Variants in ANO4 observed in about 807,000 individuals in gnomAD.
ANO4 encodes anoctamin 4.
A neutral mutation model predicts 141.9 loss-of-function variants in ANO4; 69 were observed. The ratio of observed to expected loss-of-function variants is 0.49; its 90% CI spans 0.40 to 0.59. The LOEUF (loss-of-function observed/expected upper bound fraction) is 0.59. ANO4 is among the 20% of genes least tolerant of loss of function. The probability of loss-of-function intolerance (pLI) is 0.00; values close to 1 mark genes in which losing one functional copy is unlikely to be tolerated. For synonymous variants in ANO4, 350 were observed against 394.3 expected (o/e 0.89, Z 1.33); for missense variants, 894 against 1,162.2 (o/e 0.77, Z 3.36).
At chr12:100,977,095 A>T (rs2044231371) in intron 7 of ANO4, among the ~76,000 whole-genome samples, 1 of 152,232 alleles carries the variant, frequency 6.6e-6, no homozygotes, top group Non-Finnish European at 1.5e-5. Context: ...TGTGAGGTTT[A>T]GTGCCTAGTA....
At chr12:100,717,635 G>A (rs888887649) in intron 1 of ANO4, 4 of 398,164 alleles carry the variant, frequency 1.0e-5, no homozygotes, top group African/African-American at 8.2e-5. Context: ...AAACTTCGGG[G>A]TTCGCCTCTG....
At chr12:100,736,041 C>A (rs902035677) in intron 2 of ANO4, among the ~76,000 whole-genome samples, 4 of 152,108 alleles carry the variant, frequency 2.6e-5, no homozygotes, top group Non-Finnish European at 5.9e-5. Flanking sequence ...GAGAACCAAG[C>A]AAGCACCTTT....
chr12:100,884,302 C>G (rs546375204), intron 1 of ANO4, among the ~76,000 whole-genome samples: 1 of 152,190 alleles, frequency 6.6e-6, no homozygotes, highest in African/African-American at 2.4e-5. Flanking sequence ...TAACATTTGT[C>G]TTATGGTCAG....
chr12:101,109,434 G>A (rs1037385003), intron 22 of ANO4, among the ~76,000 whole-genome samples: 7 of 151,914 alleles, frequency 4.6e-5, no homozygotes, highest in Admixed American at 1.3e-4. Flanking sequence ...GATGGCGGGC[G>A]CCTGTAATCC....
At chr12:100,880,440 A>T (rs548099219) in intron 1 of ANO4, among the ~76,000 whole-genome samples, 6 of 152,180 alleles carry the variant, frequency 3.9e-5, no homozygotes, top group Non-Finnish European at 8.8e-5. Flanking sequence ...GAGGTGCCTC[A>T]TTCAAGGTCA....
chr12:101,103,187 A>C (rs1236366734), intron 22 of ANO4, among the ~76,000 whole-genome samples: 1 of 15,132 alleles, frequency 6.6e-5, no homozygotes, highest in African/African-American at 2.1e-4. Flanking sequence ...GTCATTTTAT[A>C]TATATATATA....
At chr12:100,900,664 C>T (rs2040554006) in intron 1 of ANO4, among the ~76,000 whole-genome samples, 1 of 152,148 alleles carries the variant, frequency 6.6e-6, no homozygotes, top group African/African-American at 2.4e-5. Context: ...TTTATAGGGA[C>T]ATGGATGAAG....
chr12:100,981,964 A>G (rs2044484183), intron 7 of ANO4, among the ~76,000 whole-genome samples: 1 of 152,152 alleles, frequency 6.6e-6, no homozygotes, highest in African/African-American at 2.4e-5. Flanking sequence ...AAACTTGGGA[A>G]GCCATCGCAG....
At chr12:100,817,211 TG>T (rs1254666420) in intron 1 of ANO4, among the ~76,000 whole-genome samples, 1 of 151,962 alleles carries the variant, frequency 6.6e-6, no homozygotes, top group Non-Finnish European at 1.5e-5. Context: ...CTTGATTATC[TG>T]GCTCTGGGGT....
At chr12:101,000,414 AT>A (rs1278231827) in intron 8 of ANO4, among the ~76,000 whole-genome samples, 2 of 152,154 alleles carry the variant, frequency 1.3e-5, no homozygotes, top group African/African-American at 4.8e-5. Context: ...CTTTTACTGT[AT>A]TTTTGTTTCA....
At chr12:100,759,813 AG>A (rs2032778546) in intron 3 of ANO4, among the ~76,000 whole-genome samples, 1 of 152,174 alleles carries the variant, frequency 6.6e-6, no homozygotes, top group South Asian at 2.1e-4. Flanking sequence ...CTGCTGGGGT[AG>A]TTTCCCATGC....
chr12:101,004,848 G>A (rs753887389), intron 8 of ANO4, among the ~76,000 whole-genome samples: 11 of 152,146 alleles, frequency 7.2e-5, no homozygotes, highest in South Asian at 6.2e-4. Flanking sequence ...TATTTTGGCC[G>A]TAGCAGGGGC....
intron 3 of ANO4, among the ~76,000 whole-genome samples, chr12:100,926,141 A>T (rs1206301175): frequency 6.6e-6 from 1 of 152,172 alleles, no homozygotes; most frequent in Non-Finnish European, 1.5e-5. Flanking sequence ...ACTAAATTAA[A>T]TAAAAATGAT....
At chr12:100,766,378 T>C (rs2033083543) in intron 3 of ANO4, among the ~76,000 whole-genome samples, 1 of 152,154 alleles carries the variant, frequency 6.6e-6, no homozygotes, top group Non-Finnish European at 1.5e-5. Context: ...TAGGCATTTA[T>C]TGCTATAAAC....
At chr12:101,075,090 G>A (rs1320908183) in intron 14 of ANO4, among the ~76,000 whole-genome samples, 1 of 152,134 alleles carries the variant, frequency 6.6e-6, no homozygotes, top group Admixed American at 6.5e-5. Flanking sequence ...GGGTGCACAG[G>A]GATGATTCAG....
chr12:100,729,351 ACT>A (rs1216290530), intron 1 of ANO4, among the ~76,000 whole-genome samples: 4 of 106,308 alleles, frequency 3.8e-5, no homozygotes, highest in South Asian at 6.4e-4. Flanking sequence ...CAAGGGCAAA[ACT>A]CTGTCTCAAA....
intron 9 of ANO4, among the ~76,000 whole-genome samples, chr12:101,021,420 C>T (rs867162435): frequency 3.4e-4 from 51 of 152,148 alleles, no homozygotes; most frequent in African/African-American, 1.2e-3. Context: ...CTCCAGTGTC[C>T]CTCCCAGTGT....
intron 2 of ANO4, among the ~76,000 whole-genome samples, chr12:100,914,869 C>T (rs1312824895): frequency 2.6e-5 from 4 of 152,144 alleles, no homozygotes; most frequent in Non-Finnish European, 4.4e-5. Flanking sequence ...GGCTGGAGTG[C>T]AGTGGCATGA....
At chr12:100,732,957 T>C (rs530136598) in intron 1 of ANO4, among the ~76,000 whole-genome samples, 1 of 152,366 alleles carries the variant, frequency 6.6e-6, no homozygotes, top group East Asian at 1.9e-4. Flanking sequence ...ATTCCTGTGC[T>C]GCACTTTTAG....
Sources: gnomAD v4.1 joint callset for allele counts (sites outside exome capture counted in the v4.1 genomes callset) on GRCh38, gnomAD v4.1.1 for gene constraint, MANE v1.5 for transcripts, NCBI Gene and HGNC (gene_info 2026-07-23, HGNC 2026-07-21) for gene names.